Variants in GABRB1 observed in about 807,000 individuals in gnomAD.
GABRB1 encodes the protein gamma-aminobutyric acid receptor subunit beta-1.
In GABRB1, 17 loss-of-function variants were observed where a neutral mutation model predicts 51.6. That is an observed-to-expected ratio of 0.33 (90% confidence interval 0.23 to 0.49). The LOEUF (loss-of-function observed/expected upper bound fraction) is 0.49, where lower values mean the gene tolerates loss of function less well. GABRB1 is among the 20% of genes least tolerant of loss of function. The pLI, the probability that GABRB1 is intolerant of heterozygous loss-of-function variation, is 0.99. For missense variants in GABRB1, 410 were observed against 600.6 expected (o/e 0.68, Z 3.32); for synonymous variants, 247 against 218.9 (o/e 1.13, Z -1.14).
intron 3 of GABRB1, among the ~76,000 whole-genome samples, chr4:47,094,869 C>T (rs1300366652): frequency 2.0e-5 from 3 of 151,948 alleles, no homozygotes; most frequent in African/African-American, 7.3e-5. Flanking sequence ...CAAGCTTTAG[C>T]TTAAGCTGTA....
At chr4:47,339,823 G>GCACACACACA (rs150988131) in intron 5 of GABRB1, among the ~76,000 whole-genome samples, 13,313 of 141,794 alleles carry the variant, frequency 0.094, 679 homozygotes, top group Non-Finnish European at 0.12. Context: ...ATAAATAAAT[G>GCACACACACA]CACACACACA....
chr4:47,196,751 T>C (rs561546266), intron 4 of GABRB1, among the ~76,000 whole-genome samples: 1 of 152,376 alleles, frequency 6.6e-6, no homozygotes, highest in South Asian at 2.1e-4. Context: ...ATCAGCACAA[T>C]GTTTTATTAA....
chr4:47,346,175 C>G (rs948568134), intron 5 of GABRB1, among the ~76,000 whole-genome samples: 5 of 152,140 alleles, frequency 3.3e-5, no homozygotes, highest in African/African-American at 1.2e-4. Flanking sequence ...TGTGAAACAT[C>G]CTTCAGGAGA....
intron 5 of GABRB1, among the ~76,000 whole-genome samples, chr4:47,371,168 A>T (rs1305817791): frequency 1.4e-5 from 2 of 141,486 alleles, no homozygotes; most frequent in Admixed American, 1.6e-4. Context: ...GCTCCCACTT[A>T]TAAGTGAGAA....
intron 3 of GABRB1, among the ~76,000 whole-genome samples, chr4:47,143,748 T>TTAA (rs974316178): frequency 4.6e-5 from 7 of 151,794 alleles, no homozygotes; most frequent in African/African-American, 9.7e-5. Flanking sequence ...GATTGGGTGA[T>TTAA]TAATAATAAT....
At chr4:47,320,986 G>A (rs559803121) in intron 5 of GABRB1, among the ~76,000 whole-genome samples, 6 of 152,052 alleles carry the variant, frequency 3.9e-5, no homozygotes, top group Non-Finnish European at 5.9e-5. Flanking sequence ...AGCCAGGATG[G>A]CGCTTTCTTA....
chr4:47,212,392 C>T (rs1178755532), intron 4 of GABRB1, among the ~76,000 whole-genome samples: 1 of 152,152 alleles, frequency 6.6e-6, no homozygotes, highest in African/African-American at 2.4e-5. Flanking sequence ...CAGCCAGCCC[C>T]AGGGCTGGGT....
chr4:47,199,036 G>A (rs1719798829), intron 4 of GABRB1, among the ~76,000 whole-genome samples: 1 of 152,124 alleles, frequency 6.6e-6, no homozygotes, highest in African/African-American at 2.4e-5. Flanking sequence ...CTGGACTTGT[G>A]GGGATTACAA....
intron 4 of GABRB1, among the ~76,000 whole-genome samples, chr4:47,243,631 T>A (rs979656253): frequency 6.6e-6 from 1 of 152,210 alleles, no homozygotes; most frequent in Non-Finnish European, 1.5e-5. Flanking sequence ...TCCTAGGTAT[T>A]TTATTCTCTT....
Position 47,347,425 on chromosome 4 carries a change from C to A in GABRB1, c.544+27216C>A, listed in dbSNP as rs1011296546. 2.0e-5 allele frequency among the ~76,000 whole-genome samples: 3 copies of A among 152,062 alleles called. No individual in the cohort carries two copies. The South Asian group carries it at 6.2e-4, about 32-fold the overall frequency. On this transcript the variant is annotated intron_variant, in intron 5 of 8. Coordinates refer to ENST00000295454, the MANE Select transcript of GABRB1 (RefSeq NM_000812.4). ...GCAAATATAAAAACACTTTCTTGAA[C>A]AGCATGCTTGCAGCAGTGAACAGAA...
At chr4:47,360,523 G>T (rs539344254) in intron 5 of GABRB1, among the ~76,000 whole-genome samples, 1 of 152,164 alleles carries the variant, frequency 6.6e-6, no homozygotes, top group East Asian at 1.9e-4. Flanking sequence ...GTGCAGTAAT[G>T]TATCTGTTGG....
At position 47,219,043 on chromosome 4, in the gene GABRB1, G is replaced by A. The variant is rs1164987273; in HGVS notation, c.461+57574G>A. 2.6e-5 allele frequency among the ~76,000 whole-genome samples: 4 copies of A among 151,734 alleles called. No individual in the cohort carries two copies. The South Asian group carries it at 6.2e-4, about 24-fold the overall frequency. On this transcript the variant is annotated intron_variant, in intron 4 of 8. Transcript: ENST00000295454. Reference sequence around the variant, plus strand: ...AACTTGATGTTATTATTAATGAGATGTATGGTCTCTGGAAAGCTTTTAACA... The same window carrying A: ...AACTTGATGTTATTATTAATGAGATATATGGTCTCTGGAAAGCTTTTAACA...
intron 5 of GABRB1, among the ~76,000 whole-genome samples, chr4:47,346,064 C>A (rs1311716406): frequency 6.7e-6 from 1 of 150,152 alleles, no homozygotes; most frequent in Admixed American, 6.7e-5. Context: ...AAAAGGCCTG[C>A]AGATACCCCT....
At chr4:47,195,925 G>T (rs1233183221) in intron 4 of GABRB1, among the ~76,000 whole-genome samples, 14 of 152,208 alleles carry the variant, frequency 9.2e-5, no homozygotes, top group Admixed American at 9.2e-4. Context: ...GGCTCAAAAT[G>T]CAACACTGTT....
upstream of GABRB1, chr4:46,993,672 C>T (rs1002763972): frequency 6.3e-5 from 28 of 443,922 alleles, no homozygotes; most frequent in African/African-American, 5.3e-4. Flanking sequence ...CTATGTATAC[C>T]GCTCCACACC....
intron 3 of GABRB1, among the ~76,000 whole-genome samples, chr4:47,111,798 G>A (rs758346258): frequency 6.6e-6 from 1 of 152,018 alleles, no homozygotes; most frequent in Admixed American, 6.6e-5. Context: ...CCAGGAGATC[G>A]AGGCTGAAGT....
intron 5 of GABRB1, among the ~76,000 whole-genome samples, chr4:47,368,450 GC>G (rs1408795798): frequency 6.6e-6 from 1 of 152,158 alleles, no homozygotes; most frequent in Admixed American, 6.5e-5. Flanking sequence ...GGTGCTACTG[GC>G]ATTGAGTGGG....
At chr4:47,339,828 C>T (rs1183313630) in intron 5 of GABRB1, among the ~76,000 whole-genome samples, 3 of 142,552 alleles carry the variant, frequency 2.1e-5, no homozygotes, top group Admixed American at 1.4e-4. Flanking sequence ...TAAATGCACA[C>T]ACACACACAC....
chr4:47,285,798 T>C (rs866294386), intron 4 of GABRB1, among the ~76,000 whole-genome samples: 1 of 152,214 alleles, frequency 6.6e-6, no homozygotes, highest in South Asian at 2.1e-4. Flanking sequence ...AAAGGCCTGG[T>C]ACATAGTTAA....
Sources: gnomAD v4.1 joint callset for allele counts (sites outside exome capture counted in the v4.1 genomes callset) on GRCh38, gnomAD v4.1.1 for gene constraint, MANE v1.5 for transcripts, NCBI Gene and HGNC (gene_info 2026-07-23, HGNC 2026-07-21) for gene names.